The following ANK3 variants were observed in gnomAD, a reference collection of about 807,000 sequenced individuals.
ANK3 encodes ankyrin 3.
Under a neutral mutation model 370.9 loss-of-function variants are expected in ANK3, and 57 were observed. The observed-to-expected ratio is 0.15, with a 90% CI of 0.12 to 0.19. The LOEUF is 0.19. Ranked by LOEUF, ANK3 falls within the 10% of genes least tolerant of loss-of-function variation. The pLI, the probability that ANK3 is intolerant of heterozygous loss-of-function variation, is 1.00. For synonymous variants in ANK3, 1,929 were observed against 1,946.3 expected, an observed-to-expected ratio of 0.99 and a Z score of 0.23; for missense variants, 4,439 against 5,302.1, an observed-to-expected ratio of 0.84 and a Z score of 5.06.
chr10:60,176,054 C>T (rs1475005259), intron 18 of ANK3, among the ~76,000 whole-genome samples: 1 of 151,670 alleles, frequency 6.6e-6, no homozygotes, highest in Non-Finnish European at 1.5e-5. Flanking sequence ...AAGATCAGGC[C>T]GGGTGTGGTG....
intron 28 of ANK3, among the ~76,000 whole-genome samples, chr10:60,101,962 A>G (rs1195192367): frequency 6.6e-6 from 1 of 152,024 alleles, no homozygotes; most frequent in Non-Finnish European, 1.5e-5. Context: ...GAGGCAAAGG[A>G]GCAGTGCAGA....
intron 2 of ANK3, among the ~76,000 whole-genome samples, chr10:60,429,510 A>G (rs536786806): frequency 1.3e-5 from 2 of 152,318 alleles, no homozygotes; most frequent in Admixed American, 1.3e-4. Flanking sequence ...TTTTTGTAGG[A>G]AAAATAAGAA....
intron 1 of ANK3, among the ~76,000 whole-genome samples, chr10:60,345,439 A>G (rs10994309): frequency 0.7 from 106,046 of 151,950 alleles, 38,282 homozygotes; most frequent in South Asian, 0.91. Context: ...AAGAGTACTG[A>G]AAGGGTAATT....
chr10:60,369,127 C>G (rs1423818758), intron 1 of ANK3, among the ~76,000 whole-genome samples: 1 of 152,030 alleles, frequency 6.6e-6, no homozygotes. Flanking sequence ...ACAGTAAAAA[C>G]TAACAAGATC....
chr10:60,243,196 C>T (rs112930995), intron 7 of ANK3, among the ~76,000 whole-genome samples: 141 of 152,288 alleles, frequency 9.3e-4, no homozygotes, highest in African/African-American at 3.3e-3. Context: ...TATTGCAGAT[C>T]TCTTATCTGT....
At chr10:60,725,518 G>T (rs2079929103) in intron 1 of ANK3, among the ~76,000 whole-genome samples, 1 of 152,102 alleles carries the variant, frequency 6.6e-6, no homozygotes, top group Non-Finnish European at 1.5e-5. Context: ...CACACGCAAG[G>T]CTTCCTATTT....
chr10:60,321,834 G>A (rs1391676652), intron 1 of ANK3, among the ~76,000 whole-genome samples: 1 of 152,184 alleles, frequency 6.6e-6, no homozygotes, highest in Non-Finnish European at 1.5e-5. Flanking sequence ...GACCCTGACA[G>A]TAATTCACTT....
At chr10:60,348,573 T>C (rs1399544300) in intron 1 of ANK3, among the ~76,000 whole-genome samples, 1 of 152,168 alleles carries the variant, frequency 6.6e-6, no homozygotes, top group Non-Finnish European at 1.5e-5. Flanking sequence ...GCTTCCCAGC[T>C]GCTAAATACA....
intron 42 of ANK3, among the ~76,000 whole-genome samples, chr10:60,050,359 T>C (rs1023188851): frequency 6.6e-6 from 1 of 152,178 alleles, no homozygotes; most frequent in African/African-American, 2.4e-5. Flanking sequence ...CCCTAATGTT[T>C]CCAGAGTCTT....
At chr10:60,490,665 A>G (rs2075473283) in intron 2 of ANK3, among the ~76,000 whole-genome samples, 1 of 152,166 alleles carries the variant, frequency 6.6e-6, no homozygotes, top group African/African-American at 2.4e-5. Context: ...ATTCATCAAT[A>G]CTTTTCTTCC....
chr10:60,468,572 T>C (rs1172609561), intron 2 of ANK3, among the ~76,000 whole-genome samples: 2 of 152,122 alleles, frequency 1.3e-5, no homozygotes, highest in Non-Finnish European at 2.9e-5. Context: ...AATTTTTCCC[T>C]GACCAATCTC....
In ANK3 at chr10:60,064,187, A is replaced by AT; in HGVS notation, c.12420dup (p.Trp4141MetfsTer12). The AT allele has an allele frequency of 6.4e-7, 1 of 1,572,286 alleles. No homozygotes were observed. On this transcript the variant is annotated frameshift_variant, in exon 39 of 44. Coordinates refer to ENST00000280772, the MANE Select transcript of ANK3 (RefSeq NM_020987.5). LOFTEE classifies it high-confidence loss of function. ...GCATTTTTTCCGTCTCTGGTAACCC[A>AT]TTTTTTTAATAACATGAAGCTCTGA...
At chr10:60,038,725 A>G (rs573589396) in intron 43 of ANK3, among the ~76,000 whole-genome samples, 2 of 152,150 alleles carry the variant, frequency 1.3e-5, no homozygotes, top group Admixed American at 6.5e-5. Context: ...TCTTGTGCCT[A>G]TCTTACCTAC....
chr10:60,127,700 C>CT (rs10715735), intron 25 of ANK3, among the ~76,000 whole-genome samples: 52,305 of 132,466 alleles, frequency 0.39, 11,561 homozygotes, highest in African/African-American at 0.56. Flanking sequence ...GTTTTTCATA[C>CT]TTTTTTTTTT....
Position 60,196,630 on chromosome 10 carries a change from A to C in ANK3, c.1690-5T>G. Reference sequence around the variant, plus strand: ...ATGAAGAGGAGTAAATCCTTTCTGAAAAAAAAAAAACATAAAAATAATGAA... The same window carrying C: ...ATGAAGAGGAGTAAATCCTTTCTGACAAAAAAAAAACATAAAAATAATGAA... On this transcript the variant is annotated splice_region_variant and splice_polypyrimidine_tract_variant and intron_variant, in intron 14 of 43. Transcript: ENST00000280772. 1.3e-6 allele frequency: 2 copies of C among 1,518,920 alleles called. No homozygotes were observed. Among genetic ancestry groups the C allele is most frequent in the Non-Finnish European group, 9.0e-7 (1 of 1,116,140 alleles). The allele number at this position is 1,518,920 out of a possible 1,614,324, so 94.1% of individuals were successfully genotyped here. A position where few individuals can be genotyped will look rare whatever the true frequency, so the allele number is the denominator to read the frequency against.
At chr10:60,488,872 G>T (rs1360259951) in intron 2 of ANK3, among the ~76,000 whole-genome samples, 3 of 152,168 alleles carry the variant, frequency 2.0e-5, no homozygotes, top group African/African-American at 7.2e-5. Flanking sequence ...ACTGGAGGAT[G>T]TTAAATTGTT....
chr10:60,542,379 A>G (rs1259792847), intron 2 of ANK3, among the ~76,000 whole-genome samples: 1 of 151,842 alleles, frequency 6.6e-6, no homozygotes, highest in African/African-American at 2.4e-5. Flanking sequence ...ACACCACTTT[A>G]CAACATGAAA....
chr10:60,246,255 C>CAAAAA (rs869144298), intron 7 of ANK3, among the ~76,000 whole-genome samples: 13 of 92,698 alleles, frequency 1.4e-4, no homozygotes, highest in African/African-American at 2.8e-4. Flanking sequence ...AACCCTGTAT[C>CAAAAA]AAAAAAAAAA....
chr10:60,180,613 A>AAAC (rs2096141327), intron 18 of ANK3, among the ~76,000 whole-genome samples: 1 of 111,370 alleles, frequency 9.0e-6, no homozygotes, highest in South Asian at 2.7e-4. Flanking sequence ...AAAAAAAAAA[A>AAAC]CCAAAAAAAA....
Sources: allele counts gnomAD v4.1 joint callset (sites outside exome capture counted in the v4.1 genomes callset), GRCh38; gene constraint gnomAD v4.1.1; transcripts MANE v1.5; gene names NCBI Gene and HGNC (gene_info 2026-07-23, HGNC 2026-07-21).